The following NEDD4 variants were observed in gnomAD, a reference collection of about 807,000 sequenced individuals.
NEDD4 encodes E3 ubiquitin-protein ligase NEDD4.
Under a neutral mutation model 144.9 loss-of-function variants are expected in NEDD4, and 99 were observed. The ratio of observed to expected loss-of-function variants is 0.68; its 90% confidence interval spans 0.58 to 0.81. The LOEUF (loss-of-function observed/expected upper bound fraction) is 0.81. Among genes scored for constraint, NEDD4 ranks in the 30% least tolerant of loss-of-function variants. The probability of loss-of-function intolerance (pLI) is 0.00; values close to 1 mark genes in which losing one functional copy is unlikely to be tolerated. For missense variants in NEDD4, 985 were observed against 1,065.9 expected (o/e 0.92, Z 1.06); for synonymous variants, 318 against 350.6 (o/e 0.91, Z 1.04).
At chr15:55,886,424 A>G (rs1490857790) in intron 5 of NEDD4, among the ~76,000 whole-genome samples, 1 of 152,202 alleles carries the variant, frequency 6.6e-6, no homozygotes, top group African/African-American at 2.4e-5. Flanking sequence ...GATCCTTCTC[A>G]AGGACAGACC....
chr15:55,846,537 T>C (rs1392121496), intron 18 of NEDD4, among the ~76,000 whole-genome samples: 1 of 152,134 alleles, frequency 6.6e-6, no homozygotes, highest in Non-Finnish European at 1.5e-5. Context: ...TGCAGAGACA[T>C]TACATTTGAA....
intron 1 of NEDD4, among the ~76,000 whole-genome samples, chr15:55,977,110 C>A (rs1190119175): frequency 6.6e-6 from 1 of 152,124 alleles, no homozygotes; most frequent in African/African-American, 2.4e-5. Context: ...TTTTAACCTT[C>A]TTTCTTCTAA....
chr15:55,935,094 C>T (rs1351771372), intron 4 of NEDD4, among the ~76,000 whole-genome samples: 1 of 152,052 alleles, frequency 6.6e-6, no homozygotes, highest in Non-Finnish European at 1.5e-5. Flanking sequence ...TTTTGAACTC[C>T]TGGCCTCAGG....
intron 1 of NEDD4, among the ~76,000 whole-genome samples, chr15:55,980,156 G>A (rs560627011): frequency 9.9e-5 from 15 of 152,138 alleles, no homozygotes; most frequent in African/African-American, 2.9e-4. Flanking sequence ...GATCTTGAAC[G>A]CCTGACCTCA....
chr15:55,910,233 C>A (rs2036228456), intron 5 of NEDD4, among the ~76,000 whole-genome samples: 1 of 152,186 alleles, frequency 6.6e-6, no homozygotes, highest in South Asian at 2.1e-4. Flanking sequence ...ATCGAGCAAG[C>A]AACCTATGCT....
At chr15:55,892,754 C>T (rs2035613548) in intron 5 of NEDD4, among the ~76,000 whole-genome samples, 1 of 152,112 alleles carries the variant, frequency 6.6e-6, no homozygotes, top group African/African-American at 2.4e-5. Context: ...TAGTGTTATG[C>T]AGCTTGCTTT....
At chr15:55,959,370 A>G (rs2037390181) in intron 2 of NEDD4, among the ~76,000 whole-genome samples, 1 of 152,156 alleles carries the variant, frequency 6.6e-6, no homozygotes, top group South Asian at 2.1e-4. Flanking sequence ...CATCCTCTAT[A>G]TGATTTCAAT....
intron 9 of NEDD4, 22 bp from the exon 10 acceptor site, chr15:55,860,800 C>A: frequency 6.3e-7 from 1 of 1,593,154 alleles, no homozygotes; most frequent in Non-Finnish European, 8.6e-7. Context: ...GTATAAAAAG[C>A]CATCATCCAT....
chr15:55,990,993 G>C (rs1259401724), intron 1 of NEDD4, among the ~76,000 whole-genome samples: 1 of 152,228 alleles, frequency 6.6e-6, no homozygotes, highest in African/African-American at 2.4e-5. Context: ...AAAAGTGAGA[G>C]AAAGGTATTA....
At chr15:55,963,521 C>A (rs2037460316) in intron 2 of NEDD4, among the ~76,000 whole-genome samples, 1 of 151,818 alleles carries the variant, frequency 6.6e-6, no homozygotes, top group African/African-American at 2.4e-5. Context: ...AGTATTGTAC[C>A]ATTCTACCAA....
chr15:55,929,583 G>A (rs1027863455), intron 4 of NEDD4, among the ~76,000 whole-genome samples: 5 of 152,064 alleles, frequency 3.3e-5, no homozygotes, highest in Admixed American at 2.0e-4. Context: ...AGAACATGTG[G>A]TGGTTGGTTT....
At chr15:55,968,789 T>C (rs2037559717) in intron 1 of NEDD4, among the ~76,000 whole-genome samples, 1 of 152,210 alleles carries the variant, frequency 6.6e-6, no homozygotes, top group Non-Finnish European at 1.5e-5. Context: ...TAGATAAATG[T>C]ACATCTATGT....
intron 4 of NEDD4, among the ~76,000 whole-genome samples, chr15:55,931,540 G>C (rs2036781883): frequency 6.6e-6 from 1 of 151,928 alleles, no homozygotes; most frequent in Non-Finnish European, 1.5e-5. Flanking sequence ...ATCAGTGACA[G>C]ACTTATTGAA....
chr15:55,881,000 T>C (rs1481963774), intron 5 of NEDD4, among the ~76,000 whole-genome samples: 2 of 152,140 alleles, frequency 1.3e-5, no homozygotes, highest in Non-Finnish European at 1.5e-5. Context: ...AGGAGTACGG[T>C]TGGAGTCTAA....
At chr15:55,912,918 G>A (rs1454250368) in intron 5 of NEDD4, among the ~76,000 whole-genome samples, 1 of 152,040 alleles carries the variant, frequency 6.6e-6, no homozygotes, top group Non-Finnish European at 1.5e-5. Flanking sequence ...AGACTACAAA[G>A]TCTCATCTTC....
At chr15:55,959,144 T>C (rs1365929703) in intron 2 of NEDD4, among the ~76,000 whole-genome samples, 4 of 151,982 alleles carry the variant, frequency 2.6e-5, no homozygotes, top group Admixed American at 6.6e-5. Context: ...TTTTCTAAGT[T>C]AAGCATTTTA....
At chr15:55,963,167 T>C (rs2037454476) in intron 2 of NEDD4, among the ~76,000 whole-genome samples, 1 of 147,738 alleles carries the variant, frequency 6.8e-6, no homozygotes, top group Non-Finnish European at 1.5e-5. Flanking sequence ...GGTCTCACTC[T>C]GTCGCCTAGG....
intron 4 of NEDD4, among the ~76,000 whole-genome samples, chr15:55,937,239 CGAATGCCCAA>C (rs147056900): frequency 0.018 from 2,691 of 152,182 alleles, 90 homozygotes; most frequent in African/African-American, 0.062. Context: ...TCCATTTGGC[CGAATGCCCAA>C]GAACCAAGTT....
intron 1 of NEDD4, among the ~76,000 whole-genome samples, chr15:55,985,858 A>G (rs1370217957): frequency 7.9e-5 from 12 of 152,162 alleles, no homozygotes; most frequent in Admixed American, 7.9e-4. Context: ...CCCAAATTGT[A>G]GCATGTAAAA....
Sources: allele counts gnomAD v4.1 joint callset (sites outside exome capture counted in the v4.1 genomes callset), GRCh38; gene constraint gnomAD v4.1.1; transcripts MANE v1.5; gene names NCBI Gene and HGNC (gene_info 2026-07-23, HGNC 2026-07-21).